The following MAPK10 variants were observed in gnomAD, a reference collection of about 807,000 sequenced individuals.
The protein encoded by MAPK10 is mitogen-activated protein kinase 10, also known as JNK3 alpha protein kinase.
In MAPK10, 25 loss-of-function variants were observed where a neutral mutation model predicts 59.3. The observed-to-expected ratio is 0.42, with a 90% CI of 0.31 to 0.59. The LOEUF (loss-of-function observed/expected upper bound fraction) is 0.59, where lower values mean the gene tolerates loss of function less well. Ranked by LOEUF, MAPK10 falls within the 20% of genes least tolerant of loss-of-function variation. The probability of loss-of-function intolerance (pLI) is 0.15; values close to 1 mark genes in which losing one functional copy is unlikely to be tolerated. For synonymous variants in MAPK10, 190 were observed against 200.5 expected (o/e 0.95, Z 0.44); for missense variants, 351 against 568.9 (o/e 0.62, Z 3.90).
rs377684193 is a variant in MAPK10 at position 86,492,897 on chromosome 4, CA to C, written c.-263+101012del. Among the ~76,000 whole-genome samples, 332 of 152,296 alleles carry C rather than the reference CA, an allele frequency of 2.2e-3. 1 individual carries two copies. The highest frequency in any genetic ancestry group is 7.7e-3 in the African/African-American group (319 of 41,548). On this transcript the variant is annotated intron_variant, in intron 1 of 4. Coordinates refer to the MAPK10 transcript ENST00000502302. ...ATGGTATGTATGAGGGGTGTTAAAG[CA>C]AACTAAATATGGCCTGAGAAGGACT...
intron 2 of MAPK10, among the ~76,000 whole-genome samples, chr4:86,315,574 G>A (rs2095765558): frequency 6.6e-6 from 1 of 151,972 alleles, no homozygotes; most frequent in South Asian, 2.1e-4. Flanking sequence ...ATATTTAAAT[G>A]CATTTCAGAA....
chr4:86,281,054 C>A (rs926650212), intron 2 of MAPK10, among the ~76,000 whole-genome samples: 2 of 152,084 alleles, frequency 1.3e-5, no homozygotes, highest in African/African-American at 4.8e-5. Flanking sequence ...ATACAATATA[C>A]CCTGTGACAA....
intron 1 of MAPK10, among the ~76,000 whole-genome samples, chr4:86,579,598 C>CAATTTAT: frequency 6.6e-6 from 1 of 151,740 alleles, no homozygotes; most frequent in Non-Finnish European, 1.5e-5. Context: ...TGCTTTATTT[C>CAATTTAT]ACATAAAATG....
intron 1 of MAPK10, among the ~76,000 whole-genome samples, chr4:86,554,834 T>C (rs1760130494): frequency 6.6e-6 from 1 of 152,218 alleles, no homozygotes; most frequent in Non-Finnish European, 1.5e-5. Flanking sequence ...CACAATGCCC[T>C]TCATGATGTA....
In MAPK10 at chr4:86,510,576, C is replaced by T. The variant is rs150147840; in HGVS notation, c.-263+83334G>A. The stretch of plus-strand genomic sequence containing the variant: ...ATATCTATATGCATGTATATAAATA[C>T]ACATGAATATATCTATATGCATGTA... On this transcript the variant is annotated intron_variant, in intron 1 of 4. Transcript: ENST00000502302. 2.8e-3 allele frequency among the ~76,000 whole-genome samples: 422 copies of T among 150,668 alleles called. 1 individual carries two copies. The highest frequency in any genetic ancestry group is 1.0e-2 in the African/African-American group (407 of 40,892).
intron 4 of MAPK10, chr4:86,124,435 T>C (rs1228356621): frequency 6.6e-6 from 1 of 151,868 alleles, no homozygotes; most frequent in Non-Finnish European, 1.5e-5. Flanking sequence ...TATTGAAAAA[T>C]AACTTTTTAT....
intron 1 of MAPK10, among the ~76,000 whole-genome samples, chr4:86,395,771 C>A (rs1742825948): frequency 6.6e-6 from 1 of 152,150 alleles, no homozygotes; most frequent in South Asian, 2.1e-4. Context: ...TTGCAGAGGG[C>A]TGCTTCCCAC....
chr4:86,562,589 G>C (rs927894071), intron 1 of MAPK10, among the ~76,000 whole-genome samples: 1 of 151,666 alleles, frequency 6.6e-6, no homozygotes, highest in Non-Finnish European at 1.5e-5. Flanking sequence ...CAGCTACTTG[G>C]GAGGTTGAGG....
At chr4:86,571,749 C>A (rs1488143766) in intron 1 of MAPK10, among the ~76,000 whole-genome samples, 1 of 152,092 alleles carries the variant, frequency 6.6e-6, no homozygotes, top group Non-Finnish European at 1.5e-5. Flanking sequence ...GACAACCTTA[C>A]ACTGAAGCCC....
intron 3 of MAPK10, among the ~76,000 whole-genome samples, chr4:86,170,859 A>T (rs1210331446): frequency 1.3e-5 from 2 of 150,718 alleles, no homozygotes; most frequent in African/African-American, 5.0e-5. Flanking sequence ...AAGAACAGAA[A>T]TTATAACACA....
chr4:86,520,521 TA>T (rs1006678056), intron 1 of MAPK10, among the ~76,000 whole-genome samples: 4 of 152,164 alleles, frequency 2.6e-5, no homozygotes, highest in African/African-American at 9.7e-5. Flanking sequence ...CCATATCCTG[TA>T]TTTTTTTTTA....
Position 86,170,957 on chromosome 4 carries a change from C to G in MAPK10, c.67-11490G>C, listed in dbSNP as rs973627416. The G allele has an allele frequency of 2.4e-4, 37 of 151,990 alleles. No homozygotes were observed. The Middle Eastern group carries it at 0.01, about 42-fold the overall frequency. 9.4% of individuals were successfully genotyped at this position (151,990 alleles called of 1,614,324 possible). On this transcript the variant is annotated intron_variant, in intron 3 of 13. Coordinates refer to ENST00000641462, the MANE Select transcript of MAPK10 (RefSeq NM_138982.4). ...GCTCAACTACATGGAAACTGAACAA[C>G]CTGCTCCTGAATGACTACTGGGCAC...
At chr4:86,034,949 T>C (rs1410236799) in intron 11 of MAPK10, among the ~76,000 whole-genome samples, 14 of 152,074 alleles carry the variant, frequency 9.2e-5, no homozygotes, top group Admixed American at 9.2e-4. Flanking sequence ...TGTTTCTCTG[T>C]GTGTACATGC....
chr4:86,523,402 C>G (rs1757260809), intron 1 of MAPK10, among the ~76,000 whole-genome samples: 1 of 152,178 alleles, frequency 6.6e-6, no homozygotes, highest in Admixed American at 6.5e-5. Context: ...TAAGCAGGAG[C>G]AACAGCACTG....
chr4:86,348,396 C>T (rs1226720816), intron 2 of MAPK10, among the ~76,000 whole-genome samples: 1 of 152,154 alleles, frequency 6.6e-6, no homozygotes, highest in Non-Finnish European at 1.5e-5. Flanking sequence ...GCACTATGAA[C>T]AGTGCTTGGC....
At chr4:86,402,998 A>T (rs1304223904) in intron 1 of MAPK10, among the ~76,000 whole-genome samples, 2 of 152,118 alleles carry the variant, frequency 1.3e-5, no homozygotes, top group Non-Finnish European at 2.9e-5. Flanking sequence ...CTATAGTGAG[A>T]TCCTATGGCA....
In MAPK10 at chr4:86,311,209, A is replaced by G. The variant is rs1432412419; in HGVS notation, c.-7+43321T>C. ...ATTAATATCAACAAAAAATGACTCA[A>G]CATTAATAAGGAAGCTTAAAAGATA... On this transcript the variant is annotated intron_variant, in intron 2 of 13. Coordinates refer to ENST00000641462, the MANE Select transcript of MAPK10 (RefSeq NM_138982.4). Among the ~76,000 whole-genome samples the G allele has an allele frequency of 2.0e-5, 3 of 152,156 alleles. No homozygotes were observed. In the East Asian group the frequency reaches 5.8e-4, roughly 29 times the overall value.
intron 2 of MAPK10, among the ~76,000 whole-genome samples, chr4:86,244,370 A>G (rs2092941416): frequency 6.6e-6 from 1 of 152,224 alleles, no homozygotes; most frequent in Admixed American, 6.5e-5. Context: ...ATTTTGCAAA[A>G]TTTATGCAAC....
chr4:86,175,535 T>C (rs1307732062), intron 3 of MAPK10, among the ~76,000 whole-genome samples: 1 of 152,032 alleles, frequency 6.6e-6, no homozygotes, highest in African/African-American at 2.4e-5. Context: ...ATCTCAATAG[T>C]GAGTTCTCGT....
Sources: gnomAD v4.1 joint callset for allele counts (sites outside exome capture counted in the v4.1 genomes callset) on GRCh38, gnomAD v4.1.1 for gene constraint, MANE v1.5 for transcripts, NCBI Gene and HGNC (gene_info 2026-07-23, HGNC 2026-07-21) for gene names.